Variants in CAMKMT observed in about 807,000 individuals in gnomAD.
CAMKMT encodes the protein calmodulin-lysine N-methyltransferase.
Under a neutral mutation model 48.0 loss-of-function variants are expected in CAMKMT, and 53 were observed. The observed-to-expected ratio is 1.10, with a 90% CI of 0.89 to 1.39. CAMKMT has a LOEUF of 1.39. Ranked by LOEUF, CAMKMT falls within the 40% of genes most tolerant of loss-of-function variation. CAMKMT has a pLI of 0.00. For missense variants in CAMKMT, 428 were observed against 402.7 expected (o/e 1.06, Z -0.54); for synonymous variants, 165 against 152.3 (o/e 1.08, Z -0.61).
intron 3 of CAMKMT, among the ~76,000 whole-genome samples, chr2:44,683,858 A>G (rs1676182662): frequency 6.6e-6 from 1 of 151,368 alleles, no homozygotes; most frequent in African/African-American, 2.4e-5. Flanking sequence ...AAGAAAAAAG[A>G]AAAAGAAAAG....
intron 3 of CAMKMT, among the ~76,000 whole-genome samples, chr2:44,639,159 C>G (rs1430915557): frequency 6.6e-6 from 1 of 152,172 alleles, no homozygotes; most frequent in African/African-American, 2.4e-5. Flanking sequence ...ATTGACAAAG[C>G]TAGCTTGGAA....
chr2:44,554,320 G>A (rs557641334), intron 3 of CAMKMT, among the ~76,000 whole-genome samples: 1 of 152,244 alleles, frequency 6.6e-6, no homozygotes, highest in African/African-American at 2.4e-5. Context: ...AATCTTCCTA[G>A]TAACCCAGAT....
At chr2:44,455,304 G>A (rs188196097) in intron 3 of CAMKMT, among the ~76,000 whole-genome samples, 5 of 152,178 alleles carry the variant, frequency 3.3e-5, no homozygotes, top group African/African-American at 7.2e-5. Context: ...AGTCACCAGC[G>A]ATTCCAGTGG....
intron 3 of CAMKMT, among the ~76,000 whole-genome samples, chr2:44,576,084 T>C (rs1041713636): frequency 6.6e-6 from 1 of 151,810 alleles, no homozygotes; most frequent in African/African-American, 2.4e-5. Flanking sequence ...CCCAGCACTT[T>C]GGGAGGCCGA....
At chr2:44,605,357 T>C (rs956066559) in intron 3 of CAMKMT, among the ~76,000 whole-genome samples, 1 of 152,146 alleles carries the variant, frequency 6.6e-6, no homozygotes, top group Non-Finnish European at 1.5e-5. Context: ...GCACATTTTT[T>C]TGAACATACT....
At chr2:44,473,084 GA>G (rs1264136047) in intron 3 of CAMKMT, among the ~76,000 whole-genome samples, 2 of 152,206 alleles carry the variant, frequency 1.3e-5, no homozygotes, top group Non-Finnish European at 2.9e-5. Flanking sequence ...GTTTGGGTGA[GA>G]GGGGTGGAAG....
intron 3 of CAMKMT, among the ~76,000 whole-genome samples, chr2:44,392,410 A>G (rs1426468018): frequency 1.3e-5 from 2 of 152,146 alleles, no homozygotes; most frequent in Non-Finnish European, 2.9e-5. Flanking sequence ...AATAAAGTAA[A>G]TATTGATTAT....
chr2:44,519,823 C>G (rs1671010234), intron 3 of CAMKMT, among the ~76,000 whole-genome samples: 1 of 152,128 alleles, frequency 6.6e-6, no homozygotes, highest in African/African-American at 2.4e-5. Context: ...ATGATCATAG[C>G]TGAGAATTCC....
At chr2:44,470,847 A>G (rs1668375492) in intron 3 of CAMKMT, among the ~76,000 whole-genome samples, 1 of 151,504 alleles carries the variant, frequency 6.6e-6, no homozygotes. Context: ...GTCCACTTGC[A>G]TTTTTTTCTA....
At chr2:44,746,187 T>C (rs765439398) in intron 8 of CAMKMT, among the ~76,000 whole-genome samples, 1 of 152,182 alleles carries the variant, frequency 6.6e-6, no homozygotes, top group African/African-American at 2.4e-5. Context: ...AGTTCAAATA[T>C]TAGGTACATG....
At chr2:44,542,147 G>A (rs573741639) in intron 3 of CAMKMT, among the ~76,000 whole-genome samples, 162 of 150,376 alleles carry the variant, frequency 1.1e-3, no homozygotes, top group African/African-American at 3.6e-3. Flanking sequence ...AAAAAAAAAG[G>A]CCATATCTTT....
intron 9 of CAMKMT, among the ~76,000 whole-genome samples, chr2:44,757,076 A>G (rs939853162): frequency 5.9e-5 from 9 of 152,244 alleles, no homozygotes; most frequent in Admixed American, 2.0e-4. Context: ...AAATATTTAC[A>G]TATGTATAAA....
At chr2:44,590,536 T>G (rs1039127683) in intron 3 of CAMKMT, among the ~76,000 whole-genome samples, 5 of 152,212 alleles carry the variant, frequency 3.3e-5, no homozygotes, top group Admixed American at 2.0e-4. Context: ...CATGTGTTTT[T>G]TGGCTGCATA....
chr2:44,710,066 T>C (rs963942950), intron 6 of CAMKMT, among the ~76,000 whole-genome samples: 3 of 152,012 alleles, frequency 2.0e-5, no homozygotes, highest in African/African-American at 4.8e-5. Flanking sequence ...TGAATCTTCT[T>C]AGTCTCTTAA....
intron 3 of CAMKMT, among the ~76,000 whole-genome samples, chr2:44,422,901 C>G (rs1259347620): frequency 1.3e-5 from 2 of 152,016 alleles, no homozygotes; most frequent in Non-Finnish European, 2.9e-5. Context: ...CAGCTCATGG[C>G]TTTATTTTTA....
At chr2:44,599,126 A>G (rs895066234) in intron 3 of CAMKMT, among the ~76,000 whole-genome samples, 2 of 152,148 alleles carry the variant, frequency 1.3e-5, no homozygotes, top group East Asian at 1.9e-4. Flanking sequence ...TAGCTTTAAC[A>G]TGTAAGATGG....
intron 2 of CAMKMT, among the ~76,000 whole-genome samples, chr2:44,381,129 C>T (rs769739644): frequency 3.9e-5 from 6 of 152,148 alleles, no homozygotes; most frequent in Non-Finnish European, 7.4e-5. Flanking sequence ...CATTGCACTC[C>T]ACCCTGGGTG....
chr2:44,513,297 A>G (rs973590779), intron 3 of CAMKMT, among the ~76,000 whole-genome samples: 1 of 150,900 alleles, frequency 6.6e-6, no homozygotes, highest in South Asian at 2.1e-4. Context: ...GGGGACTGGA[A>G]CATAGGAGTG....
chr2:44,497,709 A>AAGAGAGAGAGAGAGAG (rs70937918), intron 3 of CAMKMT, among the ~76,000 whole-genome samples: 1,622 of 138,764 alleles, frequency 0.012, 35 homozygotes, highest in Admixed American at 0.054. Flanking sequence ...TAAGCAGGCA[A>AAGAGAGAGAGAGAGAG]AGAGAGAGAG....
Sources: gnomAD v4.1 joint callset for allele counts (sites outside exome capture counted in the v4.1 genomes callset) on GRCh38, gnomAD v4.1.1 for gene constraint, MANE v1.5 for transcripts, NCBI Gene and HGNC (gene_info 2026-07-23, HGNC 2026-07-21) for gene names.